TRDN: variants seen among roughly 807,000 people sequenced by gnomAD.
The protein encoded by TRDN is triadin, also known as triadin in skeletal muscle.
TRDN carries 161 observed loss-of-function variants against 149.7 expected under a neutral mutation model. The observed-to-expected ratio is 1.08, with a 90% CI of 0.95 to 1.23. The LOEUF is 1.23. Ranked by LOEUF, TRDN falls within the 50% of genes most tolerant of loss-of-function variation. The pLI, the probability that TRDN is intolerant of heterozygous loss-of-function variation, is 0.00. For missense variants in TRDN, 896 were observed against 823.5 expected, an observed-to-expected ratio of 1.09 and a Z score of -1.08; for synonymous variants, 294 against 250.5, an observed-to-expected ratio of 1.17 and a Z score of -1.64.
intron 12 of TRDN, among the ~76,000 whole-genome samples, chr6:123,409,228 G>C (rs1350192594): frequency 2.0e-5 from 3 of 152,020 alleles, no homozygotes; most frequent in Non-Finnish European, 4.4e-5. Flanking sequence ...AACCTATAAA[G>C]TTCACAGTAC....
At chr6:123,265,407 C>T (rs1056807621) in intron 32 of TRDN, 69 bp from the exon 33 acceptor site, 2 of 1,000,368 alleles carry the variant, frequency 2.0e-6, no homozygotes, top group Non-Finnish European at 2.8e-6. Flanking sequence ...CATATCAGCC[C>T]TTTATATTTC....
intron 33 of TRDN, among the ~76,000 whole-genome samples, chr6:123,263,218 A>G (rs1312348615): frequency 6.6e-6 from 1 of 152,048 alleles, no homozygotes; most frequent in Non-Finnish European, 1.5e-5. Flanking sequence ...ACAAAGAAAG[A>G]TTTAGTGGAC....
chr6:123,251,936 T>A, intron 38 of TRDN, among the ~76,000 whole-genome samples: 1 of 152,128 alleles, frequency 6.6e-6, no homozygotes, highest in South Asian at 2.1e-4. Flanking sequence ...TATTACAATT[T>A]AGGTTTACAA....
intron 1 of TRDN, among the ~76,000 whole-genome samples, chr6:123,578,816 T>C (rs1782982688): frequency 6.6e-6 from 1 of 152,166 alleles, no homozygotes; most frequent in South Asian, 2.1e-4. Context: ...TTGCCTTCTC[T>C]GTTTCCTTTG....
At chr6:123,442,627 G>A (rs996406746) in intron 10 of TRDN, among the ~76,000 whole-genome samples, 1 of 151,488 alleles carries the variant, frequency 6.6e-6, no homozygotes, top group Non-Finnish European at 1.5e-5. Context: ...AAAATGCCTG[G>A]AACAGAGTAG....
intron 12 of TRDN, among the ~76,000 whole-genome samples, chr6:123,421,196 T>G (rs1470901923): frequency 5.3e-5 from 8 of 152,186 alleles, no homozygotes; most frequent in African/African-American, 1.9e-4. Flanking sequence ...TTTCCGTGGC[T>G]CTCTCCTCTC....
intron 32 of TRDN, among the ~76,000 whole-genome samples, chr6:123,265,636 TCTTA>T (rs751782910): frequency 4.1e-4 from 61 of 148,654 alleles, no homozygotes; most frequent in Non-Finnish European, 8.0e-4. Flanking sequence ...AATCTGAACT[TCTTA>T]CTGTTTCTGA....
chr6:123,459,271 G>C (rs1776313641), intron 10 of TRDN, among the ~76,000 whole-genome samples: 1 of 152,140 alleles, frequency 6.6e-6, no homozygotes, highest in African/African-American at 2.4e-5. Context: ...CAAGCCCCAT[G>C]TCCTCTGAAT....
intron 10 of TRDN, among the ~76,000 whole-genome samples, chr6:123,450,635 G>A (rs1420815513): frequency 2.0e-5 from 3 of 152,068 alleles, no homozygotes; most frequent in Non-Finnish European, 2.9e-5. Context: ...TAGATAGATA[G>A]CAACACAAAA....
rs954645804 is a variant in TRDN, at chr6:123,535,776, G to A, written c.425-5211C>T. Among the ~76,000 whole-genome samples, 87 of 152,114 alleles carry A rather than the reference G, an allele frequency of 5.7e-4. 1 individual carries two copies. The highest frequency in any genetic ancestry group is 7.7e-4 in the East Asian group (4 of 5,190). On this transcript the variant is annotated intron_variant, in intron 4 of 40. Coordinates refer to ENST00000334268, the MANE Select transcript of TRDN (RefSeq NM_006073.4). Reference sequence around the variant, plus strand: ...AGATTATTCTTTATTTCAGGATTCCGATGATCTGTAAAGAATTATTTTAAT... The same window carrying A: ...AGATTATTCTTTATTTCAGGATTCCAATGATCTGTAAAGAATTATTTTAAT...
intron 9 of TRDN, among the ~76,000 whole-genome samples, chr6:123,482,185 A>G (rs1424594558): frequency 6.6e-6 from 1 of 152,228 alleles, no homozygotes; most frequent in Admixed American, 6.5e-5. Flanking sequence ...AATTAAAAAG[A>G]AATCTGGTTT....
At chr6:123,537,006 T>C (rs547728053) in intron 4 of TRDN, among the ~76,000 whole-genome samples, 2 of 152,246 alleles carry the variant, frequency 1.3e-5, no homozygotes. Flanking sequence ...AAATTGTAAT[T>C]ATATTAAGGA....
chr6:123,448,550 C>T (rs1237378646), intron 10 of TRDN, among the ~76,000 whole-genome samples: 2 of 152,058 alleles, frequency 1.3e-5, no homozygotes, highest in Admixed American at 1.3e-4. Context: ...CTGGGAATCT[C>T]ACCCCCATCC....
intron 40 of TRDN, among the ~76,000 whole-genome samples, chr6:123,220,347 T>C (rs1354306862): frequency 3.3e-5 from 5 of 151,876 alleles, no homozygotes; most frequent in Admixed American, 1.3e-4. Flanking sequence ...TTGAATTATA[T>C]TTTAATAGTT....
At chr6:123,434,013 A>G (rs1774451874) in intron 12 of TRDN, 1 of 152,202 alleles carries the variant, frequency 6.6e-6, no homozygotes, top group Non-Finnish European at 1.5e-5. Flanking sequence ...TTTTATCTAC[A>G]GTGAAGGTGA....
intron 1 of TRDN, among the ~76,000 whole-genome samples, chr6:123,581,359 C>T (rs1307633667): frequency 6.6e-6 from 1 of 152,100 alleles, no homozygotes; most frequent in Admixed American, 6.6e-5. Flanking sequence ...CAAAATTATT[C>T]TGACTTTTTT....
At chr6:123,628,572 A>T (rs1785798631) in intron 1 of TRDN, among the ~76,000 whole-genome samples, 1 of 152,192 alleles carries the variant, frequency 6.6e-6, no homozygotes, top group African/African-American at 2.4e-5. Flanking sequence ...GCTGTTGGAA[A>T]AATGGTGGTG....
In TRDN at chr6:123,258,274, T is replaced by C. The variant is rs568605117; in HGVS notation, c.1870+1350A>G. 3.3e-5 allele frequency among the ~76,000 whole-genome samples: 5 copies of C among 152,314 alleles called. No individual in the cohort carries two copies. In the East Asian group the frequency reaches 9.7e-4, roughly 29 times the overall value. On this transcript the variant is annotated intron_variant, in intron 35 of 40. Coordinates refer to ENST00000334268, the MANE Select transcript of TRDN (RefSeq NM_006073.4). ...CAGTATGCTATTGACTGTGGGTTTA[T>C]CATAAAAAGCTCTTCTTATTTTGAG...
Position 123,570,956 on chromosome 6 carries a change from T to C in TRDN, c.199A>G (p.Met67Val). 6.2e-7 allele frequency: 1 copy of C among 1,613,912 alleles called. No individual in the cohort carries two copies. The highest frequency in any genetic ancestry group is 8.5e-7 in the Non-Finnish European group (1 of 1,179,850). Residue 67 changes from methionine to valine, a missense_variant, in exon 2 of 41, where the codon ATG becomes GTG. Physicochemically the swap from Met to Val is conservative, Grantham distance 21. Transcript: ENST00000334268. ...IITWSAVAIV[M>V]FDLVDYKNFS... Reference sequence around the variant, plus strand: ...TTTTTGTAATCCACTAAATCAAACATAACGATGGCAACAGCTGACCACGTG... The same window carrying C: ...TTTTTGTAATCCACTAAATCAAACACAACGATGGCAACAGCTGACCACGTG...
Sources: allele counts gnomAD v4.1 joint callset (sites outside exome capture counted in the v4.1 genomes callset), GRCh38; gene constraint gnomAD v4.1.1; transcripts MANE v1.5; gene names NCBI Gene and HGNC (gene_info 2026-07-23, HGNC 2026-07-21).